The following RELN variants were observed in gnomAD, a reference collection of about 807,000 sequenced individuals.
RELN encodes the protein reelin.
Under a neutral mutation model 427.6 loss-of-function variants are expected in RELN, and 108 were observed. That is an observed-to-expected ratio of 0.25 (90% CI 0.22 to 0.30). The LOEUF (loss-of-function observed/expected upper bound fraction) is 0.30, where lower values mean the gene tolerates loss of function less well. Ranked by LOEUF, RELN falls within the 10% of genes least tolerant of loss-of-function variation. The probability of loss-of-function intolerance (pLI) is 1.00; values close to 1 mark genes in which losing one functional copy is unlikely to be tolerated. For missense variants in RELN, 3,715 were observed against 4,302.8 expected (o/e 0.86, Z 3.82); for synonymous variants, 1,524 against 1,513.4 (o/e 1.01, Z -0.16).
intron 64 of RELN, 85 bp from the exon 65 acceptor site, chr7:103,472,993 G>T: frequency 9.3e-7 from 1 of 1,079,350 alleles, no homozygotes; most frequent in Non-Finnish European, 1.4e-6. Context: ...ATCTATTCTA[G>T]GTCCTAAGTT....
rs1828848045 is a variant in RELN, at chr7:103,496,585, T to A, written c.9134A>T (p.Asn3045Ile). 6.2e-7 allele frequency: 1 copy of A among 1,614,200 alleles called. No homozygotes were observed. Among genetic ancestry groups the A allele is most frequent in the Admixed American group, 1.7e-5 (1 of 60,014 alleles). ...GATTTCTGCTCCACCAATCAAAATG[T>A]TGTCCAGTGCCCACTGAGCACGCTC... ...GVERAQWALDNILIGGAEINP... is the reference protein window; with the variant it reads ...GVERAQWALDIILIGGAEINP... Residue 3045 changes from asparagine (N) to isoleucine (I), a missense_variant, in exon 56 of 65, where the codon AAC becomes ATC. Around this residue, in one of 4 missense-constraint regions of RELN, gnomAD observed 1,310 missense variants for 1,643.0 expected, o/e 0.80. Coordinates refer to ENST00000428762, the MANE Select transcript of RELN (RefSeq NM_005045.4).
chr7:103,912,832 A>G (rs2116658772), intron 2 of RELN, among the ~76,000 whole-genome samples: 2 of 152,264 alleles, frequency 1.3e-5, no homozygotes, highest in African/African-American at 4.8e-5. Flanking sequence ...AAGGATATTC[A>G]AATAATCCTT....
chr7:103,869,950 T>G (rs1008037263), intron 2 of RELN, among the ~76,000 whole-genome samples: 1 of 152,180 alleles, frequency 6.6e-6, no homozygotes, highest in South Asian at 2.1e-4. Flanking sequence ...ATTTGATCTG[T>G]ACATTGAGTA....
In RELN at chr7:103,612,070, C is replaced by T. The variant is rs556830158; in HGVS notation, c.2703-267G>A. 5.4e-4 allele frequency among the ~76,000 whole-genome samples: 82 copies of T among 152,152 alleles called. 1 individual carries two copies. The highest frequency in any genetic ancestry group is 9.9e-4 in the Non-Finnish European group (67 of 67,982). The stretch of plus-strand genomic sequence containing the variant: ...CTCATATATTGCTCATGAATATAAA[C>T]CTTTTGACTCATTAATCTCACTTCT... On this transcript the variant is annotated intron_variant, in intron 20 of 64. Coordinates refer to ENST00000428762, the MANE Select transcript of RELN (RefSeq NM_005045.4).
intron 2 of RELN, among the ~76,000 whole-genome samples, chr7:103,847,215 T>C (rs1387164953): frequency 6.6e-6 from 1 of 152,168 alleles, no homozygotes; most frequent in Admixed American, 6.5e-5. Flanking sequence ...GTGGCACATA[T>C]ACACCTGGAA....
At chr7:103,679,668 C>G (rs750546080) in intron 11 of RELN, among the ~76,000 whole-genome samples, 2 of 151,448 alleles carry the variant, frequency 1.3e-5, no homozygotes, top group Non-Finnish European at 2.9e-5. Flanking sequence ...CTTCAGAGCT[C>G]TTTTTTTCAG....
intron 51 of RELN, among the ~76,000 whole-genome samples, chr7:103,507,662 A>C (rs1388083646): frequency 2.0e-5 from 3 of 152,232 alleles, no homozygotes; most frequent in Non-Finnish European, 4.4e-5. Context: ...AGCTAGCAGA[A>C]GACAACAAAT....
At chr7:103,852,513 G>C (rs955039337) in intron 2 of RELN, among the ~76,000 whole-genome samples, 2 of 152,130 alleles carry the variant, frequency 1.3e-5, no homozygotes, top group Non-Finnish European at 2.9e-5. Context: ...TGTATGTAAA[G>C]TGTCTAGCAC....
chr7:103,519,957 G>A (rs1562868347), intron 48 of RELN, among the ~76,000 whole-genome samples: 1 of 152,160 alleles, frequency 6.6e-6, no homozygotes, highest in African/African-American at 2.4e-5. Flanking sequence ...CTAGTACACA[G>A]TAGGTACCCA....
intron 2 of RELN, among the ~76,000 whole-genome samples, chr7:103,914,628 C>A (rs979088727): frequency 6.6e-6 from 1 of 151,988 alleles, no homozygotes. Context: ...GGCTACCCAG[C>A]ATCTTATGAA....
intron 4 of RELN, among the ~76,000 whole-genome samples, chr7:103,755,934 C>T (rs117540892): frequency 1.3e-5 from 2 of 151,818 alleles, no homozygotes; most frequent in East Asian, 3.9e-4. Context: ...ACCCTGTCTA[C>T]ACAGTATGGA....
chr7:103,485,168 TATG>T (rs1562842932), intron 61 of RELN, among the ~76,000 whole-genome samples: 1 of 143,072 alleles, frequency 7.0e-6, no homozygotes, highest in Non-Finnish European at 1.5e-5. Flanking sequence ...TGCAGCTATA[TATG>T]ATGATGTTAC....
Position 103,635,507 on chromosome 7 carries a change from C to T in RELN, c.2383G>A (p.Val795Ile). Residue 795 changes from valine to isoleucine, a missense_variant, in exon 19 of 65, where the codon GTT (valine) becomes ATT (isoleucine). Coordinates refer to ENST00000428762, the MANE Select transcript of RELN (RefSeq NM_005045.4). Reference sequence around the variant, plus strand: ...TTATCATAAGAATAATGCAACAAAACTCCTTCACCAGGCTGATCAGGGGCT... The same window carrying T: ...TTATCATAAGAATAATGCAACAAAATTCCTTCACCAGGCTGATCAGGGGCT... Reference protein sequence around the residue: ...CRAPDQPGEGVLLHYSYDNGI... With the variant: ...CRAPDQPGEGILLHYSYDNGI... 1.2e-6 allele frequency: 2 copies of T among 1,614,032 alleles called. No individual in the cohort carries two copies. Among genetic ancestry groups the T allele is most frequent in the East Asian group, 2.2e-5 (1 of 44,870 alleles).
intron 2 of RELN, among the ~76,000 whole-genome samples, chr7:103,871,739 GAGA>G (rs1794339968): frequency 2.0e-5 from 3 of 151,914 alleles, no homozygotes; most frequent in Non-Finnish European, 4.4e-5. Flanking sequence ...CGATGAGAGA[GAGA>G]AGGAGAATGG....
At chr7:103,553,388 G>C in intron 40 of RELN, 73 bp downstream of exon 40, 1 of 1,144,444 alleles carries the variant, frequency 8.7e-7, no homozygotes, top group Non-Finnish European at 1.3e-6. Context: ...AATTATCTGA[G>C]ATTTTCCTCC....
intron 1 of RELN, among the ~76,000 whole-genome samples, chr7:103,940,774 A>T (rs771735529): frequency 3.3e-5 from 5 of 152,198 alleles, no homozygotes; most frequent in Non-Finnish European, 7.3e-5. Context: ...TGGGTGATTG[A>T]TTGGATAATG....
In RELN at chr7:103,620,655, G is replaced by A. The variant is rs1430231938; in HGVS notation, c.2703-8852C>T. Among the ~76,000 whole-genome samples, 1 of 151,832 alleles carries A rather than the reference G, an allele frequency of 6.6e-6. No homozygotes were observed. The highest frequency in any genetic ancestry group is 1.5e-5 in the Non-Finnish European group (1 of 67,956). Reference sequence around the variant, plus strand: ...CACCCAGCTAATTTCTGTATTTTTAGTAGAGATGAGGTTCCATCATGTTGG... The same window carrying A: ...CACCCAGCTAATTTCTGTATTTTTAATAGAGATGAGGTTCCATCATGTTGG... On this transcript the variant is annotated intron_variant, in intron 20 of 64. Coordinates refer to ENST00000428762, the MANE Select transcript of RELN (RefSeq NM_005045.4). The surrounding 1 kb of genome is among the most constrained non-coding windows in gnomAD (Gnocchi z 4.1).
At position 103,701,006 on chromosome 7, in the gene RELN, C is replaced by T. The variant is rs760622192; in HGVS notation, c.806G>A (p.Gly269Glu). The T allele has an allele frequency of 6.4e-7, 1 of 1,572,942 alleles. No homozygotes were observed. The highest frequency in any genetic ancestry group is 2.2e-5 in the East Asian group (1 of 44,640). Reference sequence around the variant, plus strand: ...ATAACTAAAGCGACATGAACCTGACCCTGTAAATAGCAATAACAATAAATT... The same window carrying T: ...ATAACTAAAGCGACATGAACCTGACTCTGTAAATAGCAATAACAATAAATT... ...TTASVLQFSI[G>E]SGSCRFSYSD... The change falls in exon 9 of 65, where the codon GGG becomes GAG. Residue 269 changes from glycine (G) to glutamate (E), a missense_variant and splice_region_variant. Around this residue, in one of 4 missense-constraint regions of RELN, gnomAD observed 2,208 missense variants for 2,361.7 expected, o/e 0.93. Transcript: ENST00000428762.
chr7:103,595,548 T>G (rs1467534555), intron 25 of RELN, among the ~76,000 whole-genome samples: 1 of 152,198 alleles, frequency 6.6e-6, no homozygotes, highest in Admixed American at 6.5e-5. Flanking sequence ...TAGGTATGCT[T>G]TAAGTAAAAT....
Sources: allele counts gnomAD v4.1 joint callset (sites outside exome capture counted in the v4.1 genomes callset), GRCh38; gene constraint gnomAD v4.1.1; regional missense constraint gnomAD v4.1.1; non-coding constraint Gnocchi (gnomAD v3.1); transcripts MANE v1.5; gene names NCBI Gene and HGNC (gene_info 2026-07-23, HGNC 2026-07-21).